DOCK8: variants seen among roughly 807,000 people sequenced by gnomAD.
DOCK8 encodes dedicator of cytokinesis 8.
DOCK8 carries 141 observed loss-of-function variants against 245.6 expected under a neutral mutation model. The observed-to-expected ratio is 0.57, with a 90% CI of 0.50 to 0.66. The LOEUF (loss-of-function observed/expected upper bound fraction) is 0.66. Ranked by LOEUF, DOCK8 falls within the 30% of genes least tolerant of loss-of-function variation. The pLI, the probability that DOCK8 is intolerant of heterozygous loss-of-function variation, is 0.00. For missense variants in DOCK8, 2,965 were observed against 2,603.4 expected (o/e 1.14, Z -3.02); for synonymous variants, 1,168 against 970.2 (o/e 1.20, Z -3.79).
intron 37 of DOCK8, among the ~76,000 whole-genome samples, chr9:432,647 G>C (rs570072171): frequency 2.4e-4 from 36 of 152,266 alleles, no homozygotes; most frequent in African/African-American, 8.2e-4. Context: ...AGGAAGAGAG[G>C]TCGTGATCAA....
chr9:252,573 C>T lies in DOCK8; in HGVS notation c.54-19054C>T, dbSNP rs28522829. ...ATCCCAGCACTTTGGGAGGCCGAGG[C>T]GGGCAGATCACCTGAGGTCAGGAGT... is the stretch of plus-strand genomic sequence containing the variant. On this transcript the variant is annotated intron_variant, in intron 1 of 47. Coordinates refer to ENST00000432829, the MANE Select transcript of DOCK8 (RefSeq NM_203447.4). Among the ~76,000 whole-genome samples, 965 of 151,970 alleles carry T rather than the reference C, an allele frequency of 6.3e-3. 6 individuals are homozygous for T. The highest frequency in any genetic ancestry group is 0.022 in the African/African-American group (893 of 41,462).
intron 1 of DOCK8, among the ~76,000 whole-genome samples, chr9:261,259 CTA>C (rs754544001): frequency 6.6e-6 from 1 of 152,060 alleles, no homozygotes; most frequent in Non-Finnish European, 1.5e-5. Flanking sequence ...GCTTATATAA[CTA>C]TGTCTAAATA....
chr9:450,566 G>A (rs973142327), intron 45 of DOCK8, among the ~76,000 whole-genome samples: 2 of 152,144 alleles, frequency 1.3e-5, no homozygotes, highest in Non-Finnish European at 2.9e-5. Context: ...TTCAAATCTA[G>A]ATCTGTTCTT....
intron 25 of DOCK8, among the ~76,000 whole-genome samples, 189 bp downstream of exon 25, chr9:397,123 C>T (rs1198396512): frequency 6.6e-6 from 1 of 152,064 alleles, no homozygotes; most frequent in South Asian, 2.1e-4. Context: ...ACAAATTACA[C>T]ACATGAGGCC....
chr9:454,852 G>A (rs1200341046), intron 46 of DOCK8, among the ~76,000 whole-genome samples: 1 of 152,000 alleles, frequency 6.6e-6, no homozygotes, highest in Admixed American at 6.5e-5. Context: ...TTAGCTCCCA[G>A]CCCCAGGAAA....
chr9:266,990 G>A (rs2048048250), intron 1 of DOCK8, among the ~76,000 whole-genome samples: 1 of 152,150 alleles, frequency 6.6e-6, no homozygotes, highest in South Asian at 2.1e-4. Flanking sequence ...GCAAACACCT[G>A]CTTTGGCTAT....
At position 390,426 on chromosome 9, in the gene DOCK8, T is replaced by C. The variant is rs377038469; in HGVS notation, c.2875-45T>C. ...AAAGAAAAAAAGTGTTGGTGAATAA[T>C]AATAGCCTTTGTTTCACAGCCTAAT... On this transcript the variant is annotated intron_variant, in intron 23 of 47. Coordinates refer to ENST00000432829, the MANE Select transcript of DOCK8 (RefSeq NM_203447.4). The C allele has an allele frequency of 3.8e-5, 58 of 1,545,656 alleles. No individual in the cohort carries two copies. The African/African-American group carries it at 7.5e-4, about 20-fold the overall frequency.
chr9:404,128 C>G (rs2055306232), intron 26 of DOCK8, among the ~76,000 whole-genome samples: 1 of 151,406 alleles, frequency 6.6e-6, no homozygotes, highest in African/African-American at 2.4e-5. Flanking sequence ...TATTGAGGAG[C>G]TCAAGGTGCA....
At chr9:362,161 A>G (rs539891753) in intron 14 of DOCK8, among the ~76,000 whole-genome samples, 7 of 152,210 alleles carry the variant, frequency 4.6e-5, no homozygotes, top group Non-Finnish European at 8.8e-5. Flanking sequence ...TCCTTGGCAG[A>G]TGTGGGTATC....
chr9:262,838 A>G (rs1287385694), intron 1 of DOCK8, among the ~76,000 whole-genome samples: 4 of 152,022 alleles, frequency 2.6e-5, no homozygotes, highest in Non-Finnish European at 4.4e-5. Context: ...TGTGCTTCTT[A>G]TAAGTAACAA....
chr9:232,875 G>GT (rs1290319943), intron 1 of DOCK8, among the ~76,000 whole-genome samples: 1 of 152,106 alleles, frequency 6.6e-6, no homozygotes, highest in Non-Finnish European at 1.5e-5. Flanking sequence ...TTTTTGAAGG[G>GT]TTTTTTGTGT....
In DOCK8 at chr9:371,477, A is replaced by G. The variant is rs770303214; in HGVS notation, c.1918A>G (p.Thr640Ala). The change falls in exon 17 of 48, where the codon ACA (threonine) becomes GCA (alanine). Residue 640 changes from threonine (T) to alanine (A), a missense_variant. Thr to Ala is a moderately conservative substitution (Grantham distance 58). This residue lies in a region of DOCK8 where 2,825 missense variants were observed against 2,453.5 expected (regional missense o/e 1.15). Coordinates refer to ENST00000432829, the MANE Select transcript of DOCK8 (RefSeq NM_203447.4). ...GAAAATTAAGCTCCCCGCTAAGCTC[A>G]CAGTAAATCACCACCTCCTGTTCAC... is the stretch of plus-strand genomic sequence containing the variant. ...EVKIKLPAKL[T>A]VNHHLLFTFY... 2.5e-6 allele frequency: 4 copies of G among 1,614,178 alleles called. No individual in the cohort carries two copies. The highest frequency in any genetic ancestry group is 3.4e-6 in the Non-Finnish European group (4 of 1,179,994).
intron 1 of DOCK8, among the ~76,000 whole-genome samples, chr9:217,517 T>G (rs886817508): frequency 6.6e-6 from 1 of 152,178 alleles, no homozygotes; most frequent in Non-Finnish European, 1.5e-5. Flanking sequence ...GTATAAAAGG[T>G]TCTATAATCC....
chr9:448,719 G>C (rs1291423900), intron 44 of DOCK8, among the ~76,000 whole-genome samples: 1 of 152,134 alleles, frequency 6.6e-6, no homozygotes, highest in Non-Finnish European at 1.5e-5. Context: ...AAGGACACCA[G>C]TCATATTGGA....
At chr9:275,009 G>A (rs1563861472) in intron 2 of DOCK8, among the ~76,000 whole-genome samples, 2 of 152,274 alleles carry the variant, frequency 1.3e-5, no homozygotes, top group South Asian at 4.1e-4. Context: ...CTGCTGTTTT[G>A]CAAGAGTGAA....
At chr9:449,401 GA>G (rs34600680) in intron 44 of DOCK8, among the ~76,000 whole-genome samples, 101,694 of 151,958 alleles carry the variant, frequency 0.67, 35,930 homozygotes, top group East Asian at 0.99. Flanking sequence ...TCAGTAATAG[GA>G]AAAGGCACCT....
rs772570637 is a variant in DOCK8 at position 399,166 on chromosome 9, G to C, written c.3141G>C (p.Lys1047Asn). The change falls in exon 26 of 48, where the codon AAG becomes AAC. Residue 1047 changes from lysine (K) to asparagine (N), a missense_variant. By Grantham distance (94) the Lys-to-Asn change is moderately conservative. Around this residue, in one of 3 missense-constraint regions of DOCK8, gnomAD observed 2,825 missense variants for 2,453.5 expected, o/e 1.15. Transcript: ENST00000432829. ...KPQKENEQAE[K>N]MNISLAFFLY... ...TTAAGGAAAATGAACAGGCGGAAAA[G>C]ATGAACATCAGCCTGGCTTTCTTCT... 4.3e-6 allele frequency: 7 copies of C among 1,614,018 alleles called. No individual in the cohort carries two copies. The highest frequency in any genetic ancestry group is 3.3e-5 in the South Asian group (3 of 91,084).
At chr9:355,192 C>CTTTTTTTTTTTTTT in intron 14 of DOCK8, among the ~76,000 whole-genome samples, 1 of 121,090 alleles carries the variant, frequency 8.3e-6, no homozygotes, top group Non-Finnish European at 1.7e-5. Context: ...TGTTTCTTTT[C>CTTTTTTTTTTTTTT]TTTTTTTTTT....
intron 14 of DOCK8, among the ~76,000 whole-genome samples, chr9:355,718 G>A (rs4741827): frequency 0.8 from 122,157 of 152,090 alleles, 49,495 homozygotes; most frequent in South Asian, 0.88. Flanking sequence ...ACCCTAAGCT[G>A]TACATATGAA....
Sources: gnomAD v4.1 joint callset for allele counts (sites outside exome capture counted in the v4.1 genomes callset) on GRCh38, gnomAD v4.1.1 for gene constraint, gnomAD v4.1.1 regional missense constraint, MANE v1.5 for transcripts, NCBI Gene and HGNC (gene_info 2026-07-23, HGNC 2026-07-21) for gene names.